The following SLC24A2 variants were observed in gnomAD, a reference collection of about 807,000 sequenced individuals.
SLC24A2 encodes the protein sodium/potassium/calcium exchanger 2.
In SLC24A2, 36 loss-of-function variants were observed where a neutral mutation model predicts 62.0. The ratio of observed to expected loss-of-function variants is 0.58; its 90% CI spans 0.44 to 0.77. The LOEUF is 0.77. Among genes scored for constraint, SLC24A2 ranks in the 30% least tolerant of loss-of-function variants. The pLI is 0.00. For missense variants in SLC24A2, 846 were observed against 817.9 expected (o/e 1.03, Z -0.42); for synonymous variants, 358 against 294.0 (o/e 1.22, Z -2.23).
chr9:20,121,738 C>G, the SLC24A2 span, among the ~76,000 whole-genome samples: 3 of 152,134 alleles, frequency 2.0e-5, no homozygotes, highest in Non-Finnish European at 1.5e-5. Flanking sequence ...AGACCCTACT[C>G]AAAGCCACTC....
the SLC24A2 span, among the ~76,000 whole-genome samples, chr9:19,987,720 G>A: frequency 3.3e-5 from 5 of 152,172 alleles, no homozygotes; most frequent in Admixed American, 2.0e-4. Flanking sequence ...GAAACTGTTA[G>A]CCTGATAATC....
At position 19,699,067 on chromosome 9, in the gene SLC24A2, T is replaced by C. The variant is rs1172955916; in HGVS notation, c.931-76768A>G. 3.3e-5 allele frequency among the ~76,000 whole-genome samples: 5 copies of C among 152,094 alleles called. No individual in the cohort carries two copies. The East Asian group carries it at 9.6e-4, about 29-fold the overall frequency. On this transcript the variant is annotated intron_variant, in intron 2 of 10. Coordinates refer to ENST00000341998, the MANE Select transcript of SLC24A2 (RefSeq NM_020344.4). ...ATGGGGACTACAAAGATGAATAAGA[T>C]GGAATTCCTGCCTAGAGGTGCTTAT... is the stretch of plus-strand genomic sequence containing the variant.
the SLC24A2 span, among the ~76,000 whole-genome samples, chr9:20,270,968 C>A: frequency 6.6e-6 from 1 of 152,102 alleles, no homozygotes; most frequent in African/African-American, 2.4e-5. Flanking sequence ...TATCTCCCTC[C>A]TTTTTAAAAG....
chr9:20,009,042 T>C, the SLC24A2 span, among the ~76,000 whole-genome samples: 2 of 152,102 alleles, frequency 1.3e-5, no homozygotes, highest in South Asian at 2.1e-4. Flanking sequence ...ATGGTTCTCA[T>C]TGAGCATACT....
chr9:20,227,264 A>G, the SLC24A2 span, among the ~76,000 whole-genome samples: 4 of 152,156 alleles, frequency 2.6e-5, no homozygotes, highest in East Asian at 1.9e-4. Flanking sequence ...TGGTTTGCCA[A>G]TGAAAATCTT....
chr9:19,861,336 T>A, the SLC24A2 span, among the ~76,000 whole-genome samples: 1 of 152,234 alleles, frequency 6.6e-6, no homozygotes, highest in Admixed American at 6.5e-5. Context: ...TATAAGACCA[T>A]CAAGGCAGTA....
the SLC24A2 span, among the ~76,000 whole-genome samples, chr9:20,244,607 A>T: frequency 6.6e-6 from 1 of 152,262 alleles, no homozygotes; most frequent in Non-Finnish European, 1.5e-5. Context: ...CTTCAAAGCT[A>T]AATGGAAGTT....
Position 19,786,310 on chromosome 9 carries a change from G to A in SLC24A2, c.557C>T (p.Ala186Val). ...TATGAGAGATGTGAAAAGTTCTGGG[G>A]CTGACCCTCCTGCAGCCATGAAGGT... ...GATFMAAGGS[A>V]PELFTSLIGV... The change falls in exon 2 of 11, where the codon GCC (alanine) becomes GTC (valine). Residue 186 changes from alanine to valine, a missense_variant. Ala to Val is a moderately conservative substitution (Grantham distance 64). Coordinates refer to ENST00000341998, the MANE Select transcript of SLC24A2 (RefSeq NM_020344.4). The surrounding 1 kb of genome is among the most constrained non-coding windows in gnomAD (Gnocchi z 5.0). 6.2e-7 allele frequency: 1 copy of A among 1,614,136 alleles called. No individual in the cohort carries two copies. The highest frequency in any genetic ancestry group is 8.5e-7 in the Non-Finnish European group (1 of 1,180,036).
the SLC24A2 span, among the ~76,000 whole-genome samples, chr9:19,850,953 ATATATATATATATG>A: frequency 0.023 from 640 of 27,680 alleles, 24 homozygotes; most frequent in Non-Finnish European, 0.049. Context: ...ATACATATAT[ATATATATATATATG>A]TATATATATA....
the SLC24A2 span, among the ~76,000 whole-genome samples, chr9:20,023,495 T>A: frequency 6.6e-6 from 1 of 152,208 alleles, no homozygotes; most frequent in Non-Finnish European, 1.5e-5. Flanking sequence ...CACTCATTGG[T>A]GACCTCAGAT....
At chr9:19,885,348 A>G in the SLC24A2 span, among the ~76,000 whole-genome samples, 90 of 152,304 alleles carry the variant, frequency 5.9e-4, 1 homozygote, top group African/African-American at 2.0e-3. Flanking sequence ...CAGGGGCCTG[A>G]GTAGAGAGAA....
chr9:19,640,160 AG>A (rs916336874), intron 2 of SLC24A2, among the ~76,000 whole-genome samples: 1 of 152,232 alleles, frequency 6.6e-6, no homozygotes, highest in African/African-American at 2.4e-5. Context: ...GCAGTCAAAA[AG>A]CATGATGTCT....
At chr9:20,110,637 A>G in the SLC24A2 span, among the ~76,000 whole-genome samples, 7 of 152,192 alleles carry the variant, frequency 4.6e-5, no homozygotes, top group Non-Finnish European at 7.4e-5. Flanking sequence ...AAAAGTACCT[A>G]TTGTTACTAG....
chr9:19,600,940 C>G lies in SLC24A2; in HGVS notation c.1079-3661G>C, dbSNP rs142657681. Among the ~76,000 whole-genome samples, 1,207 of 152,200 alleles carry G rather than the reference C, an allele frequency of 7.9e-3. 19 individuals are homozygous for G. The highest frequency in any genetic ancestry group is 0.028 in the African/African-American group (1,164 of 41,526). The stretch of plus-strand genomic sequence containing the variant: ...AAGAGAATCAACCCAAAACAATCTG[C>G]CTTTTATGAGTATTGTTTTGAGAAG... On this transcript the variant is annotated intron_variant, in intron 4 of 10. Transcript: ENST00000341998.
At chr9:19,889,349 G>T in the SLC24A2 span, among the ~76,000 whole-genome samples, 1 of 149,392 alleles carries the variant, frequency 6.7e-6, no homozygotes, top group Non-Finnish European at 1.5e-5. Context: ...TTAGCATTTG[G>T]TTGGTGTTCC....
chr9:20,185,640 G>A, the SLC24A2 span, among the ~76,000 whole-genome samples: 6 of 150,150 alleles, frequency 4.0e-5, no homozygotes, highest in South Asian at 4.2e-4. Context: ...ACTCCAGCCT[G>A]GGAGACAGAG....
the SLC24A2 span, among the ~76,000 whole-genome samples, chr9:20,305,253 G>T: frequency 6.6e-6 from 1 of 151,766 alleles, no homozygotes; most frequent in East Asian, 1.9e-4. Flanking sequence ...GATTACAGGT[G>T]TGTGCTACAA....
chr9:19,551,578 C>T (rs1834847750), intron 7 of SLC24A2, among the ~76,000 whole-genome samples: 1 of 152,182 alleles, frequency 6.6e-6, no homozygotes, highest in Non-Finnish European at 1.5e-5. Flanking sequence ...AACTTTTCCA[C>T]TGATGCTTCC....
the SLC24A2 span, among the ~76,000 whole-genome samples, chr9:20,001,762 C>G: frequency 6.6e-6 from 1 of 152,068 alleles, no homozygotes; most frequent in African/African-American, 2.4e-5. Flanking sequence ...TTTATGATGC[C>G]TCTGGTTAAA....
Sources: allele counts gnomAD v4.1 joint callset (sites outside exome capture counted in the v4.1 genomes callset), GRCh38; gene constraint gnomAD v4.1.1; non-coding constraint Gnocchi (gnomAD v3.1); transcripts MANE v1.5; gene names NCBI Gene and HGNC (gene_info 2026-07-23, HGNC 2026-07-21).